PRUNE2: variants seen among roughly 807,000 people sequenced by gnomAD.
The protein encoded by PRUNE2 is prune homolog 2 with BCH domain.
In PRUNE2, 164 loss-of-function variants were observed where a neutral mutation model predicts 252.0. That is an observed-to-expected ratio of 0.65 (90% CI 0.57 to 0.74). The LOEUF is 0.74. PRUNE2 is among the 30% of genes least tolerant of loss of function. PRUNE2 has a pLI of 0.00. For synonymous variants in PRUNE2, 1,292 were observed against 1,350.2 expected (o/e 0.96, Z 0.94); for missense variants, 3,495 against 3,711.0 (o/e 0.94, Z 1.51).
At chr9:76,629,611 T>C (rs1358556138) in intron 15 of PRUNE2, among the ~76,000 whole-genome samples, 1 of 152,216 alleles carries the variant, frequency 6.6e-6, no homozygotes, top group Non-Finnish European at 1.5e-5. Flanking sequence ...CTTTTTTTTT[T>C]TTTGATACTT....
In PRUNE2 at chr9:76,710,736, G is replaced by T; in HGVS notation, c.1538C>A (p.Ala513Glu). ...GAAGTCATCTGCTGGGGAGTAGTCT[G>T]CAGAATGAGAAGATTGCTGGGACTG... Reference protein sequence around the residue: ...SGQSQQSSHSADYSPADDFFP... With the variant: ...SGQSQQSSHSEDYSPADDFFP... Residue 513 changes from alanine (A) to glutamate (E), a missense_variant, in exon 8 of 19, where the codon GCA (alanine) becomes GAA (glutamate). Coordinates refer to ENST00000376718, the MANE Select transcript of PRUNE2 (RefSeq NM_015225.3). The T allele has an allele frequency of 6.2e-7, 1 of 1,612,376 alleles. No individual in the cohort carries two copies. The highest frequency in any genetic ancestry group is 8.5e-7 in the Non-Finnish European group (1 of 1,179,228).
At chr9:76,689,607 C>T (rs899127704) in intron 9 of PRUNE2, among the ~76,000 whole-genome samples, 2 of 152,056 alleles carry the variant, frequency 1.3e-5, no homozygotes, top group Admixed American at 1.3e-4. Context: ...GATCCTCCTG[C>T]CTCAGCCTCC....
chr9:76,832,979 T>TA (rs2058749936), intron 4 of PRUNE2, among the ~76,000 whole-genome samples: 1 of 152,014 alleles, frequency 6.6e-6, no homozygotes, highest in South Asian at 2.1e-4. Context: ...GAAAAAGAAA[T>TA]AAAAAACTAG....
At chr9:76,746,599 G>A (rs370993827) in intron 6 of PRUNE2, among the ~76,000 whole-genome samples, 2,571 of 151,424 alleles carry the variant, frequency 0.017, 82 homozygotes, top group African/African-American at 0.059. Flanking sequence ...CAGCTACTGG[G>A]GAGGCTGAGG....
chr9:76,892,485 T>C (rs1411488326), intron 1 of PRUNE2, among the ~76,000 whole-genome samples: 1 of 152,234 alleles, frequency 6.6e-6, no homozygotes, highest in Non-Finnish European at 1.5e-5. Context: ...TGTGCAAAGA[T>C]GTTTGTCGTA....
Position 76,640,244 on chromosome 9 carries a change from A to G in PRUNE2, c.8729-1956T>C, listed in dbSNP as rs145618293. On this transcript the variant is annotated intron_variant, in intron 12 of 18. Coordinates refer to ENST00000376718, the MANE Select transcript of PRUNE2 (RefSeq NM_015225.3). ...CCCACTGGTGATTTCATGGCAGTAA[A>G]GTAATGGCTGTGTATAGATTTGGAT... is the stretch of plus-strand genomic sequence containing the variant. Among the ~76,000 whole-genome samples the G allele has an allele frequency of 4.8e-3, 734 of 152,316 alleles. 4 individuals carry two copies. The highest frequency in any genetic ancestry group is 0.017 in the African/African-American group (700 of 41,572).
chr9:76,819,690 C>G (rs2057921900), intron 6 of PRUNE2, among the ~76,000 whole-genome samples: 1 of 152,130 alleles, frequency 6.6e-6, no homozygotes, highest in Admixed American at 6.6e-5. Context: ...ATTGTCCTTC[C>G]TGAGTAAAGA....
At chr9:76,688,777 G>C (rs983094924) in intron 9 of PRUNE2, among the ~76,000 whole-genome samples, 1 of 152,184 alleles carries the variant, frequency 6.6e-6, no homozygotes, top group Non-Finnish European at 1.5e-5. Context: ...AGACTTCCTT[G>C]TTGCAGCCTC....
chr9:76,749,887 C>T (rs575577152), intron 6 of PRUNE2, among the ~76,000 whole-genome samples: 1 of 152,166 alleles, frequency 6.6e-6, no homozygotes, highest in Admixed American at 6.5e-5. Context: ...AGATCAGAAT[C>T]GCTTTCTGAT....
chr9:76,906,077 C>A lies in PRUNE2; in HGVS notation c.-114G>T. Reference sequence around the variant, plus strand: ...TGGCCCGCCGGGGCGCAGCGACCGACTGCTCCCTCCTGCCGCTCTGAGGCG... The same window carrying A: ...TGGCCCGCCGGGGCGCAGCGACCGAATGCTCCCTCCTGCCGCTCTGAGGCG... On this transcript the variant is annotated 5_prime_UTR_variant, in exon 1 of 19. Transcript: ENST00000376718. 6.4e-6 allele frequency: 7 copies of A among 1,091,290 alleles called. 1 individual carries two copies. The South Asian group carries it at 8.9e-5, about 14-fold the overall frequency. 67.6% of individuals were successfully genotyped at this position (1,091,290 alleles called of 1,614,324 possible). A position where few individuals can be genotyped will look rare whatever the true frequency, so the allele number is the denominator to read the frequency against.
chr9:76,753,912 T>C (rs932280513), intron 6 of PRUNE2, among the ~76,000 whole-genome samples: 1 of 132,782 alleles, frequency 7.5e-6, no homozygotes, highest in African/African-American at 2.8e-5. Flanking sequence ...AGCAAGACTC[T>C]GTCTCAGAAA....
chr9:76,846,581 C>A lies in PRUNE2; in HGVS notation c.442G>T (p.Val148Leu). 2 of 1,614,076 alleles carry A rather than the reference C, an allele frequency of 1.2e-6. No individual in the cohort carries two copies. Among genetic ancestry groups the A allele is most frequent in the African/African-American group, 1.3e-5 (1 of 75,036 alleles). ...VEFRESSSSL[V>L]LKEILQEAPE... ...GCCTCTTGGAGAATCTCCTTTAGCA[C>A]GAGAGAAGAGGAAGACTCTCGGAAC... The change falls in exon 4 of 19, where the codon GTG becomes TTG. Residue 148 changes from valine (V) to leucine (L), a missense_variant. By Grantham distance (32) the Val-to-Leu change is conservative. Transcript: ENST00000376718.
rs572373703 is a variant in PRUNE2, at chr9:76,741,922, T to A, written c.757-28201A>T. Among the ~76,000 whole-genome samples, 109 of 152,344 alleles carry A rather than the reference T, an allele frequency of 7.2e-4. 1 individual carries two copies. The highest frequency in any genetic ancestry group is 2.4e-3 in the African/African-American group (101 of 41,576). ...AGATAGTCGTGGCTCACCCACAACATATATGACAGGTTGGTGTTTCAAATT... is the reference window on the plus strand; with the variant it reads ...AGATAGTCGTGGCTCACCCACAACAAATATGACAGGTTGGTGTTTCAAATT... On this transcript the variant is annotated intron_variant, in intron 6 of 18. Coordinates refer to ENST00000376718, the MANE Select transcript of PRUNE2 (RefSeq NM_015225.3).
In PRUNE2 at chr9:76,807,652, G is replaced by A. The variant is rs542259589; in HGVS notation, c.756+15980C>T. ...CTGAGAAACACCCAAGATAGACACA[G>A]GGAGAGAGGAGGGACCAGTGTGATG... On this transcript the variant is annotated intron_variant, in intron 6 of 18. Transcript: ENST00000376718. 2.6e-5 allele frequency among the ~76,000 whole-genome samples: 4 copies of A among 152,276 alleles called. No individual in the cohort carries two copies. The East Asian group carries it at 5.8e-4, about 22-fold the overall frequency.
chr9:76,791,602 CATTGGTACAATAATACTGCACCAATTATT>C (rs1489676253), intron 6 of PRUNE2, among the ~76,000 whole-genome samples: 6,634 of 146,246 alleles, frequency 0.045, 3 homozygotes, highest in Non-Finnish European at 0.065. Context: ...CACCAATTAT[CATTGGTACAATAATACTGCACCAATTATT>C]ATTGGTACAA....
intron 1 of PRUNE2, among the ~76,000 whole-genome samples, chr9:76,881,809 G>A (rs1259509462): frequency 1.3e-5 from 2 of 151,906 alleles, no homozygotes; most frequent in African/African-American, 2.4e-5. Flanking sequence ...TTTTAGTAGA[G>A]ACGAGGTTTC....
At chr9:76,642,554 T>G (rs1032361281) in intron 12 of PRUNE2, among the ~76,000 whole-genome samples, 1 of 152,206 alleles carries the variant, frequency 6.6e-6, no homozygotes, top group African/African-American at 2.4e-5. Flanking sequence ...ACTTCTCTAC[T>G]GGCCCGAATG....
intron 6 of PRUNE2, among the ~76,000 whole-genome samples, chr9:76,726,048 T>C (rs981210034): frequency 2.6e-5 from 4 of 152,258 alleles, no homozygotes; most frequent in Non-Finnish European, 5.9e-5. Flanking sequence ...CATCCTCTTC[T>C]GGCTGCATTC....
chr9:76,718,560 C>A (rs116679761), intron 6 of PRUNE2, among the ~76,000 whole-genome samples: 1 of 152,222 alleles, frequency 6.6e-6, no homozygotes, highest in Non-Finnish European at 1.5e-5. Context: ...CCTGACACCA[C>A]ACACCTTGTT....
Sources: gnomAD v4.1 joint callset for allele counts (sites outside exome capture counted in the v4.1 genomes callset) on GRCh38, gnomAD v4.1.1 for gene constraint, MANE v1.5 for transcripts, NCBI Gene and HGNC (gene_info 2026-07-23, HGNC 2026-07-21) for gene names.